The following CDK6 variants were observed in gnomAD, a reference collection of about 807,000 sequenced individuals.
CDK6 encodes cyclin-dependent kinase 6.
In CDK6, 6 loss-of-function variants were observed where a neutral mutation model predicts 37.1. The ratio of observed to expected loss-of-function variants is 0.16; its 90% CI spans 0.09 to 0.32. The LOEUF (loss-of-function observed/expected upper bound fraction) is 0.32. CDK6 is among the 10% of genes least tolerant of loss of function. The pLI is 1.00. For synonymous variants in CDK6, 160 were observed against 161.3 expected, an observed-to-expected ratio of 0.99 and a Z score of 0.06; for missense variants, 224 against 418.9, an observed-to-expected ratio of 0.53 and a Z score of 4.06.
chr7:92,608,516 A>T lies in CDK6; in HGVS notation c.*6624T>A, dbSNP rs571844523. ...AATGATGGAAAATAAAAAAATAAAA[A>T]AAAATTCCTGCAATTATACATCTTT... is the stretch of plus-strand genomic sequence containing the variant. On this transcript the variant is annotated 3_prime_UTR_variant, in exon 8 of 8. Coordinates refer to ENST00000424848, the MANE Select transcript of CDK6 (RefSeq NM_001145306.2). 31 of 231,600 alleles carry T rather than the reference A, an allele frequency of 1.3e-4. No individual in the cohort carries two copies. The highest frequency in any genetic ancestry group is 5.7e-4 in the African/African-American group (26 of 45,390). The allele number at this position is 231,600 out of a possible 1,614,324, so 14.3% of individuals were successfully genotyped here. A position where few individuals can be genotyped will look rare whatever the true frequency, so the allele number is the denominator to read the frequency against.
At chr7:92,686,128 A>G (rs912697467) in intron 4 of CDK6, among the ~76,000 whole-genome samples, 1 of 152,220 alleles carries the variant, frequency 6.6e-6, no homozygotes, top group Admixed American at 6.5e-5. Flanking sequence ...TATTTTAACT[A>G]TCTTTTAGTA....
chr7:92,799,873 C>T (rs1407053228), intron 2 of CDK6, among the ~76,000 whole-genome samples: 1 of 152,176 alleles, frequency 6.6e-6, no homozygotes, highest in Non-Finnish European at 1.5e-5. Flanking sequence ...TATAACTCTG[C>T]CTTGGCTATT....
chr7:92,645,465 T>C (rs879630336), intron 5 of CDK6, among the ~76,000 whole-genome samples: 6 of 152,252 alleles, frequency 3.9e-5, no homozygotes, highest in Non-Finnish European at 8.8e-5. Flanking sequence ...AGTTTCTATC[T>C]TGCTGAGTGC....
intron 3 of CDK6, among the ~76,000 whole-genome samples, chr7:92,747,854 T>C (rs1799096624): frequency 1.3e-5 from 2 of 152,170 alleles, no homozygotes; most frequent in African/African-American, 4.8e-5. Context: ...GATATAAAAC[T>C]AGGTTGTATT....
At chr7:92,780,195 C>T (rs762924154) in intron 2 of CDK6, among the ~76,000 whole-genome samples, 8 of 152,164 alleles carry the variant, frequency 5.3e-5, no homozygotes, top group Non-Finnish European at 1.0e-4. Flanking sequence ...TGGCCTCGAA[C>T]TCCTGACCTC....
intron 4 of CDK6, among the ~76,000 whole-genome samples, chr7:92,697,345 T>C (rs556699575): frequency 4.6e-5 from 7 of 152,174 alleles, no homozygotes; most frequent in African/African-American, 9.7e-5. Flanking sequence ...AGAGAAGACA[T>C]AGCCAAAGAA....
intron 2 of CDK6, among the ~76,000 whole-genome samples, chr7:92,806,539 G>C (rs1800729450): frequency 6.6e-6 from 1 of 152,154 alleles, no homozygotes; most frequent in East Asian, 1.9e-4. Flanking sequence ...GGATGTCAGG[G>C]AGGAATGAAG....
rs4015287 is a variant in CDK6 at position 92,712,834 on chromosome 7, CTATGTATGTATG to C, written c.537+12780_537+12791del. ...TTTCTCTCTTCTTTAGACATTAATC[CTATGTATGTATG>C]TATGTATGTATGTATGTATGTATGT... On this transcript the variant is annotated intron_variant, in intron 4 of 7. Transcript: ENST00000424848. Among the ~76,000 whole-genome samples the C allele has an allele frequency of 3.5e-3, 507 of 146,422 alleles. 3 individuals are homozygous for C. The highest frequency in any genetic ancestry group is 5.9e-3 in the Admixed American group (87 of 14,730).
chr7:92,726,710 C>A (rs750140615), intron 3 of CDK6, among the ~76,000 whole-genome samples: 1 of 152,230 alleles, frequency 6.6e-6, no homozygotes, highest in African/African-American at 2.4e-5. Context: ...CATGCCCAGT[C>A]TTAATCAACT....
chr7:92,671,665 G>A (rs982491977), intron 4 of CDK6, 130 bp from the exon 5 acceptor site: 19 of 437,126 alleles, frequency 4.3e-5, no homozygotes, highest in Admixed American at 1.7e-4. Context: ...AGGACACTGC[G>A]CTAGAAGCAA....
chr7:92,741,684 T>C (rs1798929714), intron 3 of CDK6, among the ~76,000 whole-genome samples: 1 of 152,132 alleles, frequency 6.6e-6, no homozygotes, highest in African/African-American at 2.4e-5. Context: ...TAGCCAGCAG[T>C]CTTTAGAAAA....
chr7:92,750,737 G>A (rs1041789809), intron 3 of CDK6, among the ~76,000 whole-genome samples: 1 of 152,120 alleles, frequency 6.6e-6, no homozygotes, highest in Non-Finnish European at 1.5e-5. Context: ...CTGGAATGCT[G>A]GTTTTGAAAA....
At chr7:92,683,473 C>T (rs988310820) in intron 4 of CDK6, among the ~76,000 whole-genome samples, 1 of 152,216 alleles carries the variant, frequency 6.6e-6, no homozygotes, top group African/African-American at 2.4e-5. Flanking sequence ...CATTCTTCAA[C>T]ATTTTAAAAT....
intron 4 of CDK6, among the ~76,000 whole-genome samples, chr7:92,683,011 G>A (rs1797370854): frequency 6.6e-6 from 1 of 152,170 alleles, no homozygotes; most frequent in East Asian, 1.9e-4. Context: ...CTTTGTAGAA[G>A]TACAGTATAG....
intron 4 of CDK6, among the ~76,000 whole-genome samples, chr7:92,675,049 GT>G (rs1797173236): frequency 6.6e-6 from 1 of 152,084 alleles, no homozygotes; most frequent in Non-Finnish European, 1.5e-5. Context: ...GGCCAGGCTG[GT>G]CATGAACTCC....
At chr7:92,794,028 G>C (rs1800345027) in intron 2 of CDK6, among the ~76,000 whole-genome samples, 1 of 152,118 alleles carries the variant, frequency 6.6e-6, no homozygotes, top group Non-Finnish European at 1.5e-5. Context: ...TGTCAAGTAT[G>C]TCTCAATAGA....
At chr7:92,662,655 G>A (rs1350034832) in intron 5 of CDK6, among the ~76,000 whole-genome samples, 1 of 152,166 alleles carries the variant, frequency 6.6e-6, no homozygotes, top group East Asian at 1.9e-4. Flanking sequence ...TGATGCAGCT[G>A]CTGAGTCAAT....
chr7:92,829,910 G>T (rs1021809287), intron 2 of CDK6, among the ~76,000 whole-genome samples: 2 of 152,172 alleles, frequency 1.3e-5, no homozygotes, highest in African/African-American at 4.8e-5. Flanking sequence ...CTACAAGTGC[G>T]GAGACTTTTC....
In CDK6 at chr7:92,836,493, G is replaced by T. The variant is rs1403909203; in HGVS notation, c.-383C>A. On this transcript the variant is annotated 5_prime_UTR_variant, in exon 1 of 8. Coordinates refer to ENST00000424848, the MANE Select transcript of CDK6 (RefSeq NM_001145306.2). ...AGCTCCTCACCTGAGGGGCCCAGTC[G>T]CGTCGGGCCTCCCGAGGGGGCTGCG... The T allele has an allele frequency of 6.6e-6, 1 of 151,864 alleles. No homozygotes were observed. Among genetic ancestry groups the T allele is most frequent in the Non-Finnish European group, 1.5e-5 (1 of 67,912 alleles). 9.4% of individuals were successfully genotyped at this position (151,864 alleles called of 1,614,324 possible).
Sources: allele counts gnomAD v4.1 joint callset (sites outside exome capture counted in the v4.1 genomes callset), GRCh38; gene constraint gnomAD v4.1.1; transcripts MANE v1.5; gene names NCBI Gene and HGNC (gene_info 2026-07-23, HGNC 2026-07-21).